The following RBFOX1 variants were observed in gnomAD, a reference collection of about 807,000 sequenced individuals.
The protein encoded by RBFOX1 is RNA binding protein fox-1 homolog 1.
Under a neutral mutation model 57.7 loss-of-function variants are expected in RBFOX1, and 8 were observed. The ratio of observed to expected loss-of-function variants is 0.14; its 90% CI spans 0.08 to 0.25. The LOEUF is 0.25. Ranked by LOEUF, RBFOX1 falls within the 10% of genes least tolerant of loss-of-function variation. RBFOX1 has a pLI of 1.00. For missense variants in RBFOX1, 611 were observed against 548.5 expected, an observed-to-expected ratio of 1.11 and a Z score of -1.14; for synonymous variants, 326 against 222.4, an observed-to-expected ratio of 1.47 and a Z score of -4.15.
rs142837273 is a variant in RBFOX1, at chr16:7,279,032, A to G, written c.27+226934A>G. Among the ~76,000 whole-genome samples, 570 of 151,750 alleles carry G rather than the reference A, an allele frequency of 3.8e-3. 6 individuals are homozygous for G. The highest frequency in any genetic ancestry group is 0.013 in the African/African-American group (540 of 41,408). ...TTTAAAATCTAAAAACTGATGACGG[A>G]TGGATAAAAAGTCCTATTTTATCTA... On this transcript the variant is annotated intron_variant, in intron 4 of 15. Transcript: ENST00000550418.
chr16:7,387,324 C>G (rs559952590), intron 4 of RBFOX1, among the ~76,000 whole-genome samples: 4 of 152,218 alleles, frequency 2.6e-5, no homozygotes, highest in South Asian at 4.2e-4. Context: ...GATAAGAAAA[C>G]TGAGACCCAG....
chr16:5,979,817 G>A (rs192294186), intron 4 of RBFOX1, among the ~76,000 whole-genome samples: 3 of 152,200 alleles, frequency 2.0e-5, no homozygotes, highest in East Asian at 1.9e-4. Flanking sequence ...CGCCGAGATC[G>A]TACCACTGCG....
chr16:5,659,007 A>G (rs2049556892), intron 3 of RBFOX1, among the ~76,000 whole-genome samples: 2 of 151,878 alleles, frequency 1.3e-5, no homozygotes, highest in South Asian at 4.1e-4. Flanking sequence ...TTTTTGCATA[A>G]CCTTGGTAGA....
At chr16:7,430,877 A>G (rs2098672742) in intron 4 of RBFOX1, among the ~76,000 whole-genome samples, 1 of 152,222 alleles carries the variant, frequency 6.6e-6, no homozygotes. Context: ...AATATTAAAT[A>G]ACGTGTATGA....
chr16:6,541,376 C>G (rs568691754), intron 2 of RBFOX1, among the ~76,000 whole-genome samples: 1 of 152,184 alleles, frequency 6.6e-6, no homozygotes, highest in Non-Finnish European at 1.5e-5. Flanking sequence ...AGACACTGTT[C>G]TAAACAGAGG....
rs565001563 is a variant in RBFOX1 at position 5,443,918 on chromosome 16, A to G, written c.220-23298A>G. ...CTTATTTGCCGAGGGGAGATTTTCC[A>G]CCTTGAGGAGCTAAGCAGTATGAGA... On this transcript the variant is annotated intron_variant, in intron 1 of 2. Coordinates refer to the RBFOX1 transcript ENST00000585867. Among the ~76,000 whole-genome samples the G allele has an allele frequency of 3.9e-5, 6 of 152,152 alleles. No homozygotes were observed. The South Asian group carries it at 1.2e-3, about 32-fold the overall frequency.
At chr16:6,490,161 A>G (rs920736499) in intron 2 of RBFOX1, among the ~76,000 whole-genome samples, 1 of 152,200 alleles carries the variant, frequency 6.6e-6, no homozygotes, top group African/African-American at 2.4e-5. Context: ...GTTTTTAGTG[A>G]ATAGCAAATG....
At chr16:6,403,979 C>A (rs911104221) in intron 2 of RBFOX1, among the ~76,000 whole-genome samples, 1 of 152,082 alleles carries the variant, frequency 6.6e-6, no homozygotes, top group Admixed American at 6.5e-5. Context: ...CACCAGAATC[C>A]AACCATGCTG....
intron 4 of RBFOX1, among the ~76,000 whole-genome samples, chr16:7,492,627 C>G (rs1036102032): frequency 2.6e-5 from 4 of 152,272 alleles, no homozygotes; most frequent in African/African-American, 9.6e-5. Flanking sequence ...CAGTGTTGGA[C>G]TTAGGGCCTG....
chr16:7,644,600 T>G (rs3785227), intron 11 of RBFOX1, among the ~76,000 whole-genome samples: 53,380 of 152,086 alleles, frequency 0.35, 10,051 homozygotes, highest in African/African-American at 0.49. Flanking sequence ...GACTATGGCA[T>G]TCCGAGTTCA....
chr16:5,783,525 T>C (rs9931383), intron 3 of RBFOX1, among the ~76,000 whole-genome samples: 43,466 of 151,952 alleles, frequency 0.29, 6,579 homozygotes, highest in East Asian at 0.55. Flanking sequence ...CATCCCGTTA[T>C]CCAGACATCA....
chr16:6,828,399 C>G, intron 3 of RBFOX1, among the ~76,000 whole-genome samples: 1 of 151,976 alleles, frequency 6.6e-6, no homozygotes, highest in East Asian at 1.9e-4. Context: ...TGACACAGGC[C>G]TTTAGACCCA....
chr16:6,991,375 C>T (rs2091423743), intron 3 of RBFOX1, among the ~76,000 whole-genome samples: 2 of 152,098 alleles, frequency 1.3e-5, no homozygotes, highest in South Asian at 4.1e-4. Context: ...GGACAGGATG[C>T]CTGGGAGACA....
chr16:5,307,918 T>G (rs1034879048), intron 1 of RBFOX1, among the ~76,000 whole-genome samples: 2 of 152,130 alleles, frequency 1.3e-5, no homozygotes, highest in Non-Finnish European at 2.9e-5. Context: ...CCTCAGGCAA[T>G]CCTCCTGTCT....
chr16:6,627,397 G>T (rs762974533), intron 2 of RBFOX1, among the ~76,000 whole-genome samples: 1 of 152,186 alleles, frequency 6.6e-6, no homozygotes, highest in Admixed American at 6.5e-5. Flanking sequence ...CAGAGAAAGA[G>T]AGATGGAGAG....
chr16:5,536,260 G>T (rs1249628060), intron 2 of RBFOX1, among the ~76,000 whole-genome samples: 1 of 132,484 alleles, frequency 7.5e-6, no homozygotes, highest in Admixed American at 7.9e-5. Flanking sequence ...TTTTTAGATG[G>T]AGTCTTGCTT....
chr16:6,184,808 C>T (rs936292386), intron 1 of RBFOX1, among the ~76,000 whole-genome samples: 2 of 151,844 alleles, frequency 1.3e-5, no homozygotes, highest in African/African-American at 4.8e-5. Context: ...ACCTCGTGAT[C>T]CACCCGCCTC....
At chr16:6,272,560 G>A (rs774225481) in intron 1 of RBFOX1, among the ~76,000 whole-genome samples, 4 of 152,152 alleles carry the variant, frequency 2.6e-5, no homozygotes, top group Non-Finnish European at 5.9e-5. Flanking sequence ...ATCCCGGTAA[G>A]CTTTTTTGTG....
At chr16:7,234,294 G>C (rs2093656492) in intron 4 of RBFOX1, among the ~76,000 whole-genome samples, 3 of 152,038 alleles carry the variant, frequency 2.0e-5, no homozygotes, top group African/African-American at 4.8e-5. Flanking sequence ...ATTTCTCAGT[G>C]GTTTATCTTC....
Sources: gnomAD v4.1 joint callset for allele counts (sites outside exome capture counted in the v4.1 genomes callset) on GRCh38, gnomAD v4.1.1 for gene constraint, MANE v1.5 for transcripts, NCBI Gene and HGNC (gene_info 2026-07-23, HGNC 2026-07-21) for gene names.